Variants in ARHGAP22 observed in about 807,000 individuals in gnomAD.
The protein encoded by ARHGAP22 is Rho GTPase activating protein 22.
In ARHGAP22, 48 loss-of-function variants were observed where a neutral mutation model predicts 59.1. The observed-to-expected ratio is 0.81, with a 90% CI of 0.64 to 1.03. The LOEUF is 1.03. ARHGAP22 is among the 50% of genes least tolerant of loss of function. The pLI, the probability that ARHGAP22 is intolerant of heterozygous loss-of-function variation, is 0.00. For synonymous variants in ARHGAP22, 445 were observed against 416.4 expected, an observed-to-expected ratio of 1.07 and a Z score of -0.84; for missense variants, 1,015 against 958.7, an observed-to-expected ratio of 1.06 and a Z score of -0.78.
intron 3 of ARHGAP22, among the ~76,000 whole-genome samples, chr10:48,509,917 A>G (rs1409727902): frequency 1.3e-5 from 2 of 152,232 alleles, no homozygotes; most frequent in Non-Finnish European, 2.9e-5. Flanking sequence ...ACAGTCAAGA[A>G]GTACTAACAG....
chr10:48,454,870 C>G (rs1363857488), intron 6 of ARHGAP22, 132 bp downstream of exon 6: 1 of 1,257,414 alleles, frequency 8.0e-7, no homozygotes, highest in African/African-American at 1.5e-5. Flanking sequence ...CCCACCACAC[C>G]CCCAACACAG....
intron 2 of ARHGAP22, among the ~76,000 whole-genome samples, chr10:48,565,993 G>A (rs1033820101): frequency 1.3e-5 from 2 of 152,198 alleles, no homozygotes; most frequent in Non-Finnish European, 2.9e-5. Flanking sequence ...GGCCCGGGAT[G>A]TCTGTAATCC....
intron 1 of ARHGAP22, among the ~76,000 whole-genome samples, chr10:48,621,874 A>T (rs1278046905): frequency 6.6e-6 from 1 of 152,186 alleles, no homozygotes; most frequent in African/African-American, 2.4e-5. Context: ...TTGAAAGATT[A>T]ATGCTTTTAC....
chr10:48,648,965 G>A (rs1447709072), intron 1 of ARHGAP22, among the ~76,000 whole-genome samples: 1 of 152,180 alleles, frequency 6.6e-6, no homozygotes, highest in South Asian at 2.1e-4. Flanking sequence ...GCAGTATGGA[G>A]AGATGGAAGG....
At chr10:48,443,540 G>A (rs545183758), downstream of ARHGAP22, among the ~76,000 whole-genome samples, 1 of 152,210 alleles carries the variant, frequency 6.6e-6, no homozygotes, top group South Asian at 2.1e-4. Context: ...GCAAGTGGGG[G>A]TTCTTGGTGG....
intron 1 of ARHGAP22, among the ~76,000 whole-genome samples, chr10:48,629,834 C>T (rs763029194): frequency 6.6e-6 from 1 of 152,186 alleles, no homozygotes. Context: ...TCCGCAAACA[C>T]AGAACAGCTC....
intron 3 of ARHGAP22, among the ~76,000 whole-genome samples, chr10:48,489,726 G>GCC (rs2050182546): frequency 6.8e-6 from 1 of 146,056 alleles, no homozygotes; most frequent in African/African-American, 2.5e-5. Context: ...TTCTGAGGCT[G>GCC]CCTCTTTTTT....
At chr10:48,652,496 T>C in exon 1 of ARHGAP22, 1 of 588,970 alleles carries the variant, frequency 1.7e-6, no homozygotes, top group Non-Finnish European at 3.0e-6. Flanking sequence ...TAAGCGTAAG[T>C]GCATCTAGGG....
chr10:48,587,916 A>G (rs908606492), intron 1 of ARHGAP22, among the ~76,000 whole-genome samples: 3 of 152,212 alleles, frequency 2.0e-5, no homozygotes, highest in Admixed American at 6.5e-5. Context: ...CCTCTGTCCC[A>G]GCGGTGGACA....
At chr10:48,638,078 C>T (rs1239860957) in intron 1 of ARHGAP22, among the ~76,000 whole-genome samples, 1 of 152,182 alleles carries the variant, frequency 6.6e-6, no homozygotes, top group Admixed American at 6.5e-5. Flanking sequence ...ACTACCCCTC[C>T]TAGAGCCATT....
intron 3 of ARHGAP22, among the ~76,000 whole-genome samples, chr10:48,488,230 T>C (rs1387888312): frequency 6.6e-6 from 1 of 152,256 alleles, no homozygotes; most frequent in Non-Finnish European, 1.5e-5. Context: ...AAGTTTAATT[T>C]AGGTCTTTTT....
chr10:48,537,965 C>G (rs998768877), intron 3 of ARHGAP22, among the ~76,000 whole-genome samples: 1 of 152,190 alleles, frequency 6.6e-6, no homozygotes, highest in African/African-American at 2.4e-5. Context: ...GGCCCTGCTG[C>G]GGAGGGCCAG....
upstream of ARHGAP22, among the ~76,000 whole-genome samples, chr10:48,654,818 CTTTCTTT>C (rs1565068816): frequency 0.11 from 9,967 of 92,378 alleles, 436 homozygotes; most frequent in East Asian, 0.2. Context: ...TTCTTTCTTT[CTTTCTTT>C]CTTCCTTCCT....
intron 3 of ARHGAP22, among the ~76,000 whole-genome samples, chr10:48,487,397 T>A (rs949254303): frequency 1.3e-5 from 2 of 152,202 alleles, no homozygotes; most frequent in Non-Finnish European, 2.9e-5. Flanking sequence ...CTGGCTGCTT[T>A]AAACTAGGAA....
intron 2 of ARHGAP22, among the ~76,000 whole-genome samples, chr10:48,577,204 G>T (rs893887608): frequency 2.6e-5 from 4 of 152,080 alleles, no homozygotes; most frequent in African/African-American, 4.8e-5. Flanking sequence ...CTGGGGATCG[G>T]TTCCTCCTCT....
intron 1 of ARHGAP22, among the ~76,000 whole-genome samples, chr10:48,614,919 T>A (rs2061023107): frequency 6.6e-6 from 1 of 152,218 alleles, no homozygotes; most frequent in African/African-American, 2.4e-5. Context: ...AACACAGAAC[T>A]CTTCCAATGC....
rs1385233186 is a variant in ARHGAP22, at chr10:48,479,550, G to T, written c.451+86C>A. 4 of 1,606,204 alleles carry T rather than the reference G, an allele frequency of 2.5e-6. No individual in the cohort carries two copies. In the African/African-American group the frequency reaches 5.3e-5, roughly 21 times the overall value. On this transcript the variant is annotated intron_variant, in intron 4 of 9. Transcript: ENST00000249601. ...CAGCCAGCAAGTCCTCAGTGAGCAGGGTCTTTGGGGCTCAGGACAGGCAGG... is the reference window on the plus strand; with the variant it reads ...CAGCCAGCAAGTCCTCAGTGAGCAGTGTCTTTGGGGCTCAGGACAGGCAGG...
chr10:48,605,035 G>T lies in ARHGAP22; in HGVS notation c.-239C>A, dbSNP rs563089127. 1.0e-5 allele frequency: 15 copies of T among 1,428,646 alleles called. No individual in the cohort carries two copies. Among genetic ancestry groups the T allele is most frequent in the South Asian group, 1.5e-5 (1 of 68,110 alleles). The allele number at this position is 1,428,646 out of a possible 1,614,324, so 88.5% of individuals were successfully genotyped here. ...CCCAGAATTAATTCCCATCCAAGCG[G>T]ACCATTAAAGCCTCAGTAATCACTG... On this transcript the variant is annotated 5_prime_UTR_variant, in exon 1 of 10. Coordinates refer to ENST00000249601, the MANE Select transcript of ARHGAP22 (RefSeq NM_021226.4).
chr10:48,465,805 T>G (rs1046891809), intron 4 of ARHGAP22, among the ~76,000 whole-genome samples: 9 of 152,312 alleles, frequency 5.9e-5, no homozygotes, highest in Admixed American at 3.3e-4. Context: ...AATTGGGTAA[T>G]TCCACAGTTT....
Sources: gnomAD v4.1 joint callset for allele counts (sites outside exome capture counted in the v4.1 genomes callset) on GRCh38, gnomAD v4.1.1 for gene constraint, MANE v1.5 for transcripts, NCBI Gene and HGNC (gene_info 2026-07-23, HGNC 2026-07-21) for gene names.